NINL: variants seen among roughly 807,000 people sequenced by gnomAD.
NINL encodes the protein ninein like, also known as ninein-like protein.
Under a neutral mutation model 160.3 loss-of-function variants are expected in NINL, and 153 were observed. The observed-to-expected ratio is 0.95, with a 90% CI of 0.84 to 1.09. The LOEUF (loss-of-function observed/expected upper bound fraction) is 1.09. Among genes scored for constraint, NINL ranks in the 50% least tolerant of loss-of-function variants. The probability of loss-of-function intolerance (pLI) is 0.00; values close to 1 mark genes in which losing one functional copy is unlikely to be tolerated. For synonymous variants in NINL, 800 were observed against 734.8 expected, an observed-to-expected ratio of 1.09 and a Z score of -1.43; for missense variants, 1,829 against 1,764.0, an observed-to-expected ratio of 1.04 and a Z score of -0.66.
chr20:25,480,351 A>T, intron 14 of NINL, 84 bp from the exon 15 acceptor site: 1 of 1,029,516 alleles, frequency 9.7e-7, no homozygotes, highest in Non-Finnish European at 1.5e-6. Flanking sequence ...ATATTTTGGC[A>T]TTGGCATCCA....
intron 1 of NINL, among the ~76,000 whole-genome samples, chr20:25,568,066 T>A (rs1012998213): frequency 6.7e-6 from 1 of 148,804 alleles, no homozygotes; most frequent in African/African-American, 2.5e-5. Context: ...AGAATGAAAA[T>A]AACAAAGAGG....
chr20:25,507,021 C>G (rs1262087720), intron 5 of NINL, among the ~76,000 whole-genome samples: 1 of 152,228 alleles, frequency 6.6e-6, no homozygotes, highest in Non-Finnish European at 1.5e-5. Context: ...CCAAACTGTT[C>G]AGGATGCCCT....
intron 1 of NINL, among the ~76,000 whole-genome samples, chr20:25,539,227 G>A (rs961266344): frequency 1.3e-5 from 2 of 152,238 alleles, no homozygotes; most frequent in Non-Finnish European, 2.9e-5. Flanking sequence ...GGTCAACAGA[G>A]AGAGGCCAAG....
chr20:25,493,690 A>C (rs115984158), intron 10 of NINL, among the ~76,000 whole-genome samples: 1 of 151,956 alleles, frequency 6.6e-6, no homozygotes. Context: ...GCCAGGTGGG[A>C]ATGATAACGC....
intron 1 of NINL, among the ~76,000 whole-genome samples, chr20:25,577,822 T>A (rs1427993637): frequency 8.9e-6 from 1 of 112,364 alleles, no homozygotes; most frequent in African/African-American, 2.9e-5. Flanking sequence ...TCTGAAATAT[T>A]TTCTTTTCTT....
intron 13 of NINL, among the ~76,000 whole-genome samples, chr20:25,485,101 T>G (rs2063481519): frequency 6.6e-6 from 1 of 152,004 alleles, no homozygotes; most frequent in Non-Finnish European, 1.5e-5. Context: ...ATCAATGTCA[T>G]AAAGACAAAG....
Position 25,453,212 on chromosome 20 carries a change from A to G in NINL, c.*239T>C. The G allele has an allele frequency of 2.7e-6, 1 of 371,588 alleles. No individual in the cohort carries two copies. Among genetic ancestry groups the G allele is most frequent in the Non-Finnish European group, 4.8e-6 (1 of 209,614 alleles). The allele number at this position is 371,588 out of a possible 1,614,324, so 23.0% of individuals were successfully genotyped here. On this transcript the variant is annotated 3_prime_UTR_variant, in exon 24 of 24. Coordinates refer to ENST00000278886, the MANE Select transcript of NINL (RefSeq NM_025176.6). ...AGTGGCAAAACTGGGAATTTTGCCA[A>G]GGGAAATTACTCAGGACCGCTAATA...
intron 16 of NINL, 28 bp downstream of exon 16, chr20:25,478,895 T>C: frequency 1.3e-6 from 2 of 1,488,820 alleles, no homozygotes; most frequent in Non-Finnish European, 1.8e-6. Context: ...AACCCCAGAC[T>C]TGAAATCTCA....
At position 25,537,866 on chromosome 20, in the gene NINL, T is replaced by C. The variant is rs762496302; in HGVS notation, c.-11-11268A>G. ...ACGGGGCTCCTGACAAGAGTCGAAA[T>C]GCACGTCACGTTAACTGCACACCTA... On this transcript the variant is annotated intron_variant, in intron 1 of 23. Coordinates refer to ENST00000278886, the MANE Select transcript of NINL (RefSeq NM_025176.6). Among the ~76,000 whole-genome samples the C allele has an allele frequency of 1.2e-4, 19 of 152,286 alleles. 1 individual carries two copies. The highest frequency in any genetic ancestry group is 3.4e-3 in the Middle Eastern group (1 of 294).
Position 25,526,519 on chromosome 20 carries a change from C to A in NINL, c.69G>T (p.Gly23=). Reference sequence around the variant, plus strand: ...GCTCCTGGCGGTCCAGAAAGCCAGTCCCCGTGGTGTCGCAGCTGCTGTAGA... The same window carrying A: ...GCTCCTGGCGGTCCAGAAAGCCAGTACCCGTGGTGTCGCAGCTGCTGTAGA... ...REVYSSCDTT[G]TGFLDRQELT... The change falls in exon 2 of 24, where the codon GGG becomes GGT. Residue 23 remains glycine (G), a synonymous_variant. Coordinates refer to ENST00000278886, the MANE Select transcript of NINL (RefSeq NM_025176.6). The A allele has an allele frequency of 1.2e-6, 2 of 1,614,196 alleles. No homozygotes were observed. The highest frequency in any genetic ancestry group is 2.2e-5 in the South Asian group (2 of 91,076).
At chr20:25,454,010 C>T (rs1371787023) in intron 23 of NINL, among the ~76,000 whole-genome samples, 3 of 152,022 alleles carry the variant, frequency 2.0e-5, no homozygotes. Context: ...AGAGATCGCA[C>T]CACTGCACTC....
chr20:25,468,568 T>A (rs1601023858), intron 18 of NINL, among the ~76,000 whole-genome samples: 2 of 85,682 alleles, frequency 2.3e-5, no homozygotes, highest in South Asian at 4.5e-4. Context: ...CGCACCCCCC[T>A]GCCCTGTCCC....
At chr20:25,540,148 G>T in intron 1 of NINL, 1 of 762,446 alleles carries the variant, frequency 1.3e-6, no homozygotes, top group Non-Finnish European at 2.0e-6. Context: ...CCAGCATTCA[G>T]CAGCTGGCTA....
chr20:25,547,281 GC>G (rs1450217293), intron 1 of NINL, among the ~76,000 whole-genome samples: 4 of 152,154 alleles, frequency 2.6e-5, no homozygotes, highest in African/African-American at 9.7e-5. Context: ...CGGGGCTGCA[GC>G]TAAACCCCAT....
intron 1 of NINL, among the ~76,000 whole-genome samples, chr20:25,531,072 C>T (rs923844948): frequency 3.9e-5 from 6 of 152,148 alleles, no homozygotes; most frequent in African/African-American, 1.2e-4. Flanking sequence ...TTTAGAGGCC[C>T]ACCCTCAGGG....
rs540084104 is a variant in NINL, at chr20:25,471,182, GGGGTCTCGATA to G, written c.3249-1098_3249-1088del. Among the ~76,000 whole-genome samples, 47 of 148,430 alleles carry G rather than the reference GGGGTCTCGATA, an allele frequency of 3.2e-4. No individual in the cohort carries two copies. In the South Asian group the frequency reaches 7.5e-3, roughly 24 times the overall value. On this transcript the variant is annotated intron_variant, in intron 17 of 23. Transcript: ENST00000278886. The stretch of plus-strand genomic sequence containing the variant: ...GGATAATTTTTGTTGTGGTGGAGAT[GGGGTCTCGATA>G]GGTTGCCCAGGCTGGTCTCGAATTC...
chr20:25,476,714 G>A lies in NINL; in HGVS notation c.2577C>T (p.Ala859=), dbSNP rs757708540. 1 of 1,600,674 alleles carries A rather than the reference G, an allele frequency of 6.2e-7. No homozygotes were observed. Among genetic ancestry groups the A allele is most frequent in the Non-Finnish European group, 8.5e-7 (1 of 1,177,498 alleles). The stretch of plus-strand genomic sequence containing the variant: ...CTCTGCCATCACCTGGGGCCAGCCA[G>A]GCCAGTGGCCGCTCCCCACAGCCCG... ...LRPGCGERPL[A]WLAPGDGRES... is the part of the protein sequence containing the mutation. Residue 859 remains alanine (A), a synonymous_variant, in exon 17 of 24, where the codon GCC becomes GCT. Transcript: ENST00000278886.
At chr20:25,516,631 CTG>C (rs2064164609) in intron 3 of NINL, among the ~76,000 whole-genome samples, 1 of 152,188 alleles carries the variant, frequency 6.6e-6, no homozygotes, top group Non-Finnish European at 1.5e-5. Context: ...CTCCAAGCTC[CTG>C]TGCCTTAGGG....
chr20:25,489,927 T>C lies in NINL; in HGVS notation c.1544A>G (p.Glu515Gly). 6.2e-7 allele frequency: 1 copy of C among 1,614,148 alleles called. No individual in the cohort carries two copies. The highest frequency in any genetic ancestry group is 1.3e-5 in the African/African-American group (1 of 75,024). Residue 515 changes from glutamate (E) to glycine (G), a missense_variant, in exon 12 of 24, where the codon GAG becomes GGG. Glu to Gly is a moderately conservative substitution (Grantham distance 98, BLOSUM62 -2). Coordinates refer to ENST00000278886, the MANE Select transcript of NINL (RefSeq NM_025176.6). ...VEVVEKLSDS[E>G]RLALKLQKDL... ...CTTCTGCAGCTTCAGGGCCAGCCTC[T>C]CCGAATCCGAAAGCTTTTCCACCAC...
Sources: gnomAD v4.1 joint callset for allele counts (sites outside exome capture counted in the v4.1 genomes callset) on GRCh38, gnomAD v4.1.1 for gene constraint, MANE v1.5 for transcripts, NCBI Gene and HGNC (gene_info 2026-07-23, HGNC 2026-07-21) for gene names.